DOCK2: variants seen among roughly 807,000 people sequenced by gnomAD.
DOCK2 encodes dedicator of cytokinesis protein 2.
Under a neutral mutation model 248.9 loss-of-function variants are expected in DOCK2, and 87 were observed. That is an observed-to-expected ratio of 0.35 (90% CI 0.29 to 0.42). The LOEUF (loss-of-function observed/expected upper bound fraction) is 0.42. Among genes scored for constraint, DOCK2 ranks in the 10% least tolerant of loss-of-function variants. The pLI, the probability that DOCK2 is intolerant of heterozygous loss-of-function variation, is 1.00. For synonymous variants in DOCK2, 805 were observed against 821.6 expected (o/e 0.98, Z 0.35); for missense variants, 1,747 against 2,300.2 (o/e 0.76, Z 4.92).
At chr5:169,858,833 C>A (rs1199741171) in intron 27 of DOCK2, among the ~76,000 whole-genome samples, 1 of 151,986 alleles carries the variant, frequency 6.6e-6, no homozygotes, top group African/African-American at 2.4e-5. Context: ...AAGGCTCAGT[C>A]TTTACAGAAA....
intron 25 of DOCK2, among the ~76,000 whole-genome samples, chr5:169,792,745 G>A (rs1259824572): frequency 1.3e-5 from 2 of 152,152 alleles, no homozygotes; most frequent in South Asian, 4.1e-4. Context: ...AGCCCAAACT[G>A]CATTCATCTG....
intron 27 of DOCK2, among the ~76,000 whole-genome samples, chr5:169,915,725 C>T (rs1219124129): frequency 6.6e-6 from 1 of 152,124 alleles, no homozygotes; most frequent in Non-Finnish European, 1.5e-5. Flanking sequence ...ATAGTCAATT[C>T]AGCCATTTTA....
chr5:169,854,626 A>C (rs761923461), intron 27 of DOCK2, among the ~76,000 whole-genome samples: 29 of 152,270 alleles, frequency 1.9e-4, no homozygotes, highest in Non-Finnish European at 3.5e-4. Context: ...TCAGGGGCAG[A>C]AGTCAGGACC....
intron 2 of DOCK2, among the ~76,000 whole-genome samples, chr5:169,662,112 C>T (rs1244578586): frequency 2.0e-5 from 3 of 152,294 alleles, no homozygotes; most frequent in Admixed American, 1.3e-4. Flanking sequence ...TCCACACCCT[C>T]GCCAACATTT....
intron 32 of DOCK2, 24 bp downstream of exon 32, chr5:170,008,770 TACTC>T (rs777298697): frequency 5.0e-6 from 8 of 1,613,686 alleles, no homozygotes; most frequent in Non-Finnish European, 6.8e-6. Flanking sequence ...CACATCCAGA[TACTC>T]ACATCTGCAG....
chr5:170,028,465 C>T (rs1756004108), intron 34 of DOCK2: 1 of 154,478 alleles, frequency 6.5e-6, no homozygotes, highest in African/African-American at 2.4e-5. Flanking sequence ...GGTGGACAAG[C>T]TGCATCCTGA....
chr5:169,822,250 G>C (rs1414814627), intron 26 of DOCK2, among the ~76,000 whole-genome samples: 1 of 152,190 alleles, frequency 6.6e-6, no homozygotes, highest in East Asian at 1.9e-4. Flanking sequence ...ATTGAACTCA[G>C]CTCTGCACGA....
At chr5:169,784,148 A>G (rs1468945104) in intron 25 of DOCK2, among the ~76,000 whole-genome samples, 3 of 151,968 alleles carry the variant, frequency 2.0e-5, no homozygotes, top group Admixed American at 6.6e-5. Flanking sequence ...TCTCAACACA[A>G]CAGTTTCAAA....
At chr5:169,718,882 AAATTATAACCAG>A in intron 22 of DOCK2, 91 bp downstream of exon 22, 1 of 1,482,894 alleles carries the variant, frequency 6.7e-7, no homozygotes, top group Non-Finnish European at 9.1e-7. Context: ...CTCGTTTAAA[AAATTATAACCAG>A]CTGTCGATCA....
intron 23 of DOCK2, among the ~76,000 whole-genome samples, chr5:169,748,547 G>T (rs982777653): frequency 2.0e-5 from 3 of 152,222 alleles, no homozygotes; most frequent in South Asian, 2.1e-4. Context: ...GTGGAAACCT[G>T]TGTGTTGGGG....
At chr5:169,888,179 G>A (rs1773082287) in intron 27 of DOCK2, among the ~76,000 whole-genome samples, 1 of 152,168 alleles carries the variant, frequency 6.6e-6, no homozygotes, top group South Asian at 2.1e-4. Flanking sequence ...TCCTGCCCTT[G>A]ATGTCCACCA....
chr5:169,803,317 A>G, intron 26 of DOCK2, 111 bp downstream of exon 26: 2 of 1,421,822 alleles, frequency 1.4e-6, no homozygotes, highest in Non-Finnish European at 1.9e-6. Flanking sequence ...GATAAAAGTC[A>G]ACGGCTTGCT....
At chr5:169,892,164 C>G (rs1481668493) in intron 27 of DOCK2, among the ~76,000 whole-genome samples, 3 of 151,856 alleles carry the variant, frequency 2.0e-5, no homozygotes, top group African/African-American at 4.8e-5. Flanking sequence ...ATCTAAAACA[C>G]AATAAAGTGG....
chr5:169,767,232 T>G (rs1764846163), intron 25 of DOCK2, among the ~76,000 whole-genome samples: 2 of 152,236 alleles, frequency 1.3e-5, no homozygotes, highest in African/African-American at 2.4e-5. Context: ...CGCTTTTTAA[T>G]GGGGTTGTTG....
chr5:169,846,537 G>A (rs1770315784), intron 27 of DOCK2, among the ~76,000 whole-genome samples: 1 of 151,840 alleles, frequency 6.6e-6, no homozygotes. Context: ...AAGTCCTAAG[G>A]AATTTAGCTT....
At chr5:169,738,475 A>G (rs1437187895) in intron 22 of DOCK2, among the ~76,000 whole-genome samples, 1 of 152,186 alleles carries the variant, frequency 6.6e-6, no homozygotes, top group Admixed American at 6.5e-5. Context: ...AATTCAAGAT[A>G]GTCCCTTCTT....
At chr5:170,071,709 T>G (rs1372640833) in intron 46 of DOCK2, among the ~76,000 whole-genome samples, 7 of 152,200 alleles carry the variant, frequency 4.6e-5, no homozygotes, top group African/African-American at 1.4e-4. Flanking sequence ...AATCCTATCT[T>G]AGGCCTCCTT....
chr5:169,816,661 ATTC>A (rs2113212513), intron 26 of DOCK2, among the ~76,000 whole-genome samples: 1 of 151,692 alleles, frequency 6.6e-6, no homozygotes, highest in South Asian at 2.1e-4. Context: ...TCTGGAAGGG[ATTC>A]TTTTTTCCCT....
At chr5:169,907,203 T>G (rs781019432) in intron 27 of DOCK2, among the ~76,000 whole-genome samples, 2 of 152,234 alleles carry the variant, frequency 1.3e-5, no homozygotes, top group African/African-American at 2.4e-5. Flanking sequence ...TTTCTGCTTA[T>G]TGGCAGGCAA....
Sources: gnomAD v4.1 joint callset for allele counts (sites outside exome capture counted in the v4.1 genomes callset) on GRCh38, gnomAD v4.1.1 for gene constraint, MANE v1.5 for transcripts, NCBI Gene and HGNC (gene_info 2026-07-23, HGNC 2026-07-21) for gene names.